The following NFKBIZ variants were observed in gnomAD, a reference collection of about 807,000 sequenced individuals.
The protein encoded by NFKBIZ is NF-kappa-B inhibitor zeta.
NFKBIZ carries 19 observed loss-of-function variants against 76.8 expected under a neutral mutation model. That is an observed-to-expected ratio of 0.25 (90% CI 0.17 to 0.36). NFKBIZ has a LOEUF of 0.36. Among genes scored for constraint, NFKBIZ ranks in the 10% least tolerant of loss-of-function variants. The pLI is 1.00. For missense variants in NFKBIZ, 829 were observed against 910.9 expected (o/e 0.91, Z 1.16); for synonymous variants, 368 against 354.8 (o/e 1.04, Z -0.42).
chr3:101,855,897 G>A lies in NFKBIZ; in HGVS notation c.1819G>A (p.Ala607Thr), dbSNP rs976852438. 1.9e-6 allele frequency: 3 copies of A among 1,603,458 alleles called. No homozygotes were observed. Among genetic ancestry groups the A allele is most frequent in the East Asian group, 4.5e-5 (2 of 44,700 alleles). The change falls in exon 9 of 12, where the codon GCG becomes ACG. Residue 607 changes from alanine (A) to threonine (T), a missense_variant. By Grantham distance (58) the Ala-to-Thr change is moderately conservative. Around this residue, in one of 4 missense-constraint regions of NFKBIZ, gnomAD observed 272 missense variants for 384.2 expected, o/e 0.71. Coordinates refer to ENST00000326172, the MANE Select transcript of NFKBIZ (RefSeq NM_031419.4). ...AATTCAAATGGGAGCAGCGGTGGAAGCGAAGGTAAATTCACAGAAAAGGTT... is the reference window on the plus strand; with the variant it reads ...AATTCAAATGGGAGCAGCGGTGGAAACGAAGGTAAATTCACAGAAAAGGTT... ...CLIQMGAAVEAKDRKSGRTAL... is the reference protein window; with the variant it reads ...CLIQMGAAVETKDRKSGRTAL...
intron 2 of NFKBIZ, among the ~76,000 whole-genome samples, chr3:101,830,853 G>A (rs62280808): frequency 0.025 from 3,806 of 152,182 alleles, 79 homozygotes; most frequent in Non-Finnish European, 0.041. Context: ...TTCTGTCATG[G>A]TTATATTAAA....
At position 101,849,672 on chromosome 3, in the gene NFKBIZ, G is replaced by C. The variant is rs773344370; in HGVS notation, c.44G>C (p.Gly15Ala). The C allele has an allele frequency of 5.0e-6, 7 of 1,407,576 alleles. No homozygotes were observed. In the South Asian group the frequency reaches 1.1e-4, roughly 22 times the overall value. The allele number at this position is 1,407,576 out of a possible 1,614,324, so 87.2% of individuals were successfully genotyped here. The change falls in exon 1 of 12, where the codon GGG (glycine) becomes GCG (alanine). Residue 15 changes from glycine to alanine, a missense_variant. This residue lies in a region of NFKBIZ where 181 missense variants were observed against 175.3 expected (regional missense o/e 1.03). Transcript: ENST00000326172. ...CTGGACGACAGCCGCGGCGGAGAGG[G>C]GCTGCGGGACGCGGCGGGCGGCTGC... is the stretch of plus-strand genomic sequence containing the variant. ...KLLDDSRGGE[G>A]LRDAAGGCGL... is the part of the protein sequence containing the mutation.
In NFKBIZ at chr3:101,851,972, A is replaced by G. The variant is rs1051081428; in HGVS notation, c.290-113A>G. On this transcript the variant is annotated intron_variant, in intron 1 of 11. Coordinates refer to ENST00000326172, the MANE Select transcript of NFKBIZ (RefSeq NM_031419.4). ...CAGAGCAAGTTGGAAAGGTTTTGCAATGTGCTGCTTGGGGACTTTATACAT... is the reference window on the plus strand; with the variant it reads ...CAGAGCAAGTTGGAAAGGTTTTGCAGTGTGCTGCTTGGGGACTTTATACAT... 47 of 1,298,806 alleles carry G rather than the reference A, an allele frequency of 3.6e-5. No individual in the cohort carries two copies. The South Asian group carries it at 4.1e-4, about 11-fold the overall frequency. 80.5% of individuals were successfully genotyped at this position (1,298,806 alleles called of 1,614,324 possible). A position where few individuals can be genotyped will look rare whatever the true frequency, so the allele number is the denominator to read the frequency against.
Position 101,857,070 on chromosome 3 carries a change from A to G in NFKBIZ, c.1825-3A>G, listed in dbSNP as rs758405218. The G allele has an allele frequency of 1.3e-6, 2 of 1,599,514 alleles. No homozygotes were observed. Among genetic ancestry groups the G allele is most frequent in the Non-Finnish European group, 1.7e-6 (2 of 1,171,354 alleles). On this transcript the variant is annotated splice_region_variant and splice_polypyrimidine_tract_variant and intron_variant, in intron 9 of 11. Coordinates refer to ENST00000326172, the MANE Select transcript of NFKBIZ (RefSeq NM_031419.4). ...TTTTTTCCTCCCTCTTGCCTTTGAC[A>G]AGGATCGCAAAAGTGGCCGCACAGC...
intron 2 of NFKBIZ, among the ~76,000 whole-genome samples, chr3:101,837,845 A>G (rs1362170287): frequency 1.3e-5 from 2 of 152,210 alleles, no homozygotes; most frequent in Non-Finnish European, 2.9e-5. Context: ...TCAGATTAGG[A>G]GATGAAATTC....
At chr3:101,834,233 A>G (rs2107394669) in intron 2 of NFKBIZ, among the ~76,000 whole-genome samples, 1 of 151,910 alleles carries the variant, frequency 6.6e-6, no homozygotes, top group South Asian at 2.1e-4. Flanking sequence ...TTGTGCCACC[A>G]CTATTATCCT....
chr3:101,858,504 T>C, intron 11 of NFKBIZ: 1 of 897,544 alleles, frequency 1.1e-6, no homozygotes, highest in African/African-American at 1.8e-5. Flanking sequence ...ATAACTATGC[T>C]CTCAGGGATC....
At chr3:101,849,425 C>A, upstream of NFKBIZ, 1 of 381,678 alleles carries the variant, frequency 2.6e-6, no homozygotes. Flanking sequence ...GGGAGGCGGC[C>A]CGGGCACCGC....
At chr3:101,858,168 C>T in intron 11 of NFKBIZ, 1 of 985,170 alleles carries the variant, frequency 1.0e-6, no homozygotes, top group South Asian at 4.7e-5. Context: ...GTGGGTAGGT[C>T]ATTACATACT....
At chr3:101,838,591 G>C (rs542126277) in intron 2 of NFKBIZ, among the ~76,000 whole-genome samples, 4 of 152,344 alleles carry the variant, frequency 2.6e-5, no homozygotes, top group African/African-American at 9.6e-5. Flanking sequence ...TTAGGTGACA[G>C]CTGTGCAATA....
At chr3:101,844,212 C>G (rs1253518539) in intron 2 of NFKBIZ, among the ~76,000 whole-genome samples, 1 of 152,178 alleles carries the variant, frequency 6.6e-6, no homozygotes, top group Non-Finnish European at 1.5e-5. Context: ...AGTGCATTTC[C>G]TTGAGACAAT....
chr3:101,835,422 G>C (rs914504738), intron 2 of NFKBIZ, among the ~76,000 whole-genome samples: 3 of 152,200 alleles, frequency 2.0e-5, no homozygotes, highest in Admixed American at 6.5e-5. Flanking sequence ...TAGTTTGCTA[G>C]GGCTGCCGTA....
At chr3:101,849,501 C>G (rs965263094), upstream of NFKBIZ, 1 of 815,474 alleles carries the variant, frequency 1.2e-6, no homozygotes, top group Non-Finnish European at 1.7e-6. Flanking sequence ...CCTGGCAGTC[C>G]CGCGCCGCGC....
chr3:101,853,174 G>A lies in NFKBIZ; in HGVS notation c.648G>A (p.Leu216=), dbSNP rs768399531. Residue 216 remains leucine, a synonymous_variant, in exon 5 of 12, where the codon CTG becomes CTA. Coordinates refer to ENST00000326172, the MANE Select transcript of NFKBIZ (RefSeq NM_031419.4). ...NEPKQESSAD[L]LQNIINIKNE... ...CCAAACAGGAGAGCAGTGCTGATCT[G>A]CTTCAGAACATTATCAACATTAAGA... The A allele has an allele frequency of 6.2e-7, 1 of 1,614,024 alleles. No individual in the cohort carries two copies.
chr3:101,838,517 G>T (rs907778191), intron 2 of NFKBIZ, among the ~76,000 whole-genome samples: 10 of 152,168 alleles, frequency 6.6e-5, no homozygotes, highest in Non-Finnish European at 1.3e-4. Flanking sequence ...CAAGATGGAG[G>T]ATATTATGCA....
At chr3:101,853,068 A>AG (rs1364290337) in intron 4 of NFKBIZ, 23 bp from the exon 5 acceptor site, 1 of 1,611,776 alleles carries the variant, frequency 6.2e-7, no homozygotes, top group Non-Finnish European at 8.5e-7. Context: ...TGAGTGTGCA[A>AG]GTTGCATTTT....
intron 5 of NFKBIZ, 78 bp from the exon 6 acceptor site, chr3:101,854,500 G>GTTTT: frequency 4.9e-6 from 4 of 824,684 alleles, no homozygotes; most frequent in African/African-American, 3.6e-5. Flanking sequence ...GCTAAAGGAA[G>GTTTT]ATTTTTTTTT....
chr3:101,840,771 A>C (rs143062092), intron 2 of NFKBIZ, among the ~76,000 whole-genome samples: 257 of 152,332 alleles, frequency 1.7e-3, no homozygotes, highest in African/African-American at 5.8e-3. Flanking sequence ...CTGGCTGCCC[A>C]TCAGGGGACA....
rs774739664 is a variant in NFKBIZ, at chr3:101,855,255, T to G, written c.1590+47T>G. On this transcript the variant is annotated intron_variant, in intron 7 of 11. Transcript: ENST00000326172. ...TTCCATCATTGCAAGGCCAGAGAGATAGAGTTGGATATTAGAAGTCGGATA... is the reference window on the plus strand; with the variant it reads ...TTCCATCATTGCAAGGCCAGAGAGAGAGAGTTGGATATTAGAAGTCGGATA... 6.9e-6 allele frequency: 11 copies of G among 1,598,616 alleles called. No individual in the cohort carries two copies. In the East Asian group the frequency reaches 1.8e-4, roughly 26 times the overall value.
Sources: allele counts gnomAD v4.1 joint callset (sites outside exome capture counted in the v4.1 genomes callset), GRCh38; gene constraint gnomAD v4.1.1; regional missense constraint gnomAD v4.1.1; transcripts MANE v1.5; gene names NCBI Gene and HGNC (gene_info 2026-07-23, HGNC 2026-07-21).